GLYATL2: variants seen among roughly 807,000 people sequenced by gnomAD.
GLYATL2 encodes the protein glycine N-acyltransferase-like protein 2.
A neutral mutation model predicts 21.4 loss-of-function variants in GLYATL2; 25 were observed. The ratio of observed to expected loss-of-function variants is 1.17; its 90% CI spans 0.85 to 1.63. The LOEUF (loss-of-function observed/expected upper bound fraction) is 1.63. GLYATL2 is among the 40% of genes most tolerant of loss of function. GLYATL2 has a pLI of 0.00. For missense variants in GLYATL2, 361 were observed against 343.3 expected (o/e 1.05, Z -0.41); for synonymous variants, 114 against 118.2 (o/e 0.96, Z 0.23).
chr11:58,840,144 C>T lies in GLYATL2; in HGVS notation c.-40-492G>A, dbSNP rs369092602. Among the ~76,000 whole-genome samples the T allele has an allele frequency of 3.9e-5, 6 of 152,084 alleles. 1 individual carries two copies. Among genetic ancestry groups the T allele is most frequent in the African/African-American group, 1.4e-4 (6 of 41,476 alleles). ...TTGCAGACTATATTGTGTGTAGTCC[C>T]TTTTCTCCTAAGGAACAAAACCATA... is the stretch of plus-strand genomic sequence containing the variant. On this transcript the variant is annotated intron_variant, in intron 1 of 5. Coordinates refer to ENST00000287275, the MANE Select transcript of GLYATL2 (RefSeq NM_145016.4).
At chr11:58,854,767 G>A (rs899334327) in intron 1 of GLYATL2, among the ~76,000 whole-genome samples, 3 of 152,090 alleles carry the variant, frequency 2.0e-5, no homozygotes, top group Non-Finnish European at 4.4e-5. Flanking sequence ...TTCAACCCTC[G>A]CTACAGCTTT....
At chr11:58,906,142 C>T (rs768876139), upstream of GLYATL2, among the ~76,000 whole-genome samples, 15 of 152,110 alleles carry the variant, frequency 9.9e-5, no homozygotes, top group South Asian at 2.1e-4. Context: ...GGGTCGGACC[C>T]GGAGTTAGGT....
At chr11:58,880,440 A>G (rs760651442) in intron 1 of GLYATL2, among the ~76,000 whole-genome samples, 8 of 152,194 alleles carry the variant, frequency 5.3e-5, no homozygotes, top group Non-Finnish European at 1.0e-4. Context: ...CTCATGTATC[A>G]GCCAAGGCTA....
chr11:58,883,639 C>A (rs1366659346), intron 1 of GLYATL2, among the ~76,000 whole-genome samples: 1 of 152,126 alleles, frequency 6.6e-6, no homozygotes, highest in Non-Finnish European at 1.5e-5. Context: ...ATCAGAGGTA[C>A]AAGGAGGAGC....
At chr11:58,898,975 A>G (rs911661253) in intron 1 of GLYATL2, among the ~76,000 whole-genome samples, 2 of 152,186 alleles carry the variant, frequency 1.3e-5, no homozygotes, top group Non-Finnish European at 2.9e-5. Context: ...ATAAATACGC[A>G]AATATTTTTT....
intron 1 of GLYATL2, among the ~76,000 whole-genome samples, chr11:58,873,786 T>C (rs1228470608): frequency 1.3e-5 from 2 of 152,216 alleles, no homozygotes; most frequent in African/African-American, 4.8e-5. Flanking sequence ...GGTATCAGGA[T>C]GATGCTGGCC....
intron 1 of GLYATL2, among the ~76,000 whole-genome samples, chr11:58,855,761 A>G (rs560832845): frequency 1.2e-3 from 180 of 152,352 alleles, no homozygotes; most frequent in African/African-American, 3.9e-3. Flanking sequence ...CAATTATCTT[A>G]GCTAGATCTT....
intron 1 of GLYATL2, among the ~76,000 whole-genome samples, chr11:58,896,471 T>G (rs1024395482): frequency 6.6e-6 from 1 of 152,228 alleles, no homozygotes; most frequent in Non-Finnish European, 1.5e-5. Flanking sequence ...GTCCACATCT[T>G]CAATTTCCAT....
At chr11:58,893,946 T>C (rs2134624152) in intron 1 of GLYATL2, among the ~76,000 whole-genome samples, 1 of 152,306 alleles carries the variant, frequency 6.6e-6, no homozygotes, top group Admixed American at 6.5e-5. Flanking sequence ...AGTGACTAGC[T>C]AGGTATTAAA....
chr11:58,834,315 T>C lies in GLYATL2; in HGVS notation c.*114A>G, dbSNP rs909465361. 2.5e-6 allele frequency: 2 copies of C among 811,046 alleles called. No individual in the cohort carries two copies. The highest frequency in any genetic ancestry group is 1.7e-5 in the African/African-American group (1 of 57,494). 50.2% of individuals were successfully genotyped at this position (811,046 alleles called of 1,614,324 possible). A position where few individuals can be genotyped will look rare whatever the true frequency, so the allele number is the denominator to read the frequency against. On this transcript the variant is annotated 3_prime_UTR_variant, in exon 6 of 6. Transcript: ENST00000287275. Reference sequence around the variant, plus strand: ...AACTGTTAAGGGTGAGCTTAAGTAATACACAGATCCTAGATAATCAGTTGC... The same window carrying C: ...AACTGTTAAGGGTGAGCTTAAGTAACACACAGATCCTAGATAATCAGTTGC...
chr11:58,865,674 CT>C (rs1446020717), intron 1 of GLYATL2, among the ~76,000 whole-genome samples: 5 of 148,882 alleles, frequency 3.4e-5, no homozygotes, highest in Non-Finnish European at 7.4e-5. Flanking sequence ...ATTTTCCTCT[CT>C]TTCAGAAAGT....
rs1418355370 is a variant in GLYATL2, at chr11:58,834,823, G to C, written c.491C>G (p.Ser164Ter). 1.9e-6 allele frequency: 3 copies of C among 1,588,550 alleles called. No homozygotes were observed. Among genetic ancestry groups the C allele is most frequent in the Non-Finnish European group, 8.5e-7 (1 of 1,169,658 alleles). The change falls in exon 6 of 6, where the codon TCA (serine) becomes TGA (stop). Residue 164 changes from serine to a stop codon, truncating the protein, a stop_gained. Transcript: ENST00000287275. LOFTEE classifies it low-confidence loss of function (END_TRUNC). ...VDDDNKEGNFSNMFLDASHAG... is the reference protein window; with the variant it reads ...VDDDNKEGNF Reference sequence around the variant, plus strand: ...ATGTGAAGCATCTAAGAACATGTTTGAAAAGTTTCCTTCCCTGTGAAGAAA... The same window carrying C: ...ATGTGAAGCATCTAAGAACATGTTTCAAAAGTTTCCTTCCCTGTGAAGAAA...
intron 1 of GLYATL2, among the ~76,000 whole-genome samples, chr11:58,855,677 T>A (rs1853816001): frequency 6.6e-6 from 1 of 152,242 alleles, no homozygotes; most frequent in Non-Finnish European, 1.5e-5. Context: ...TGAAAGTCCT[T>A]GATGGCATCT....
At chr11:58,876,853 C>T (rs972670210) in intron 1 of GLYATL2, among the ~76,000 whole-genome samples, 1 of 152,234 alleles carries the variant, frequency 6.6e-6, no homozygotes, top group East Asian at 1.9e-4. Context: ...GAGGTTATTG[C>T]TGTCTTTTGT....
chr11:58,846,471 C>T (rs1386989617), upstream of GLYATL2, among the ~76,000 whole-genome samples: 1 of 152,146 alleles, frequency 6.6e-6, no homozygotes, highest in Admixed American at 6.5e-5. Context: ...ATCCCCATCC[C>T]TCCCAACCTC....
chr11:58,871,900 G>A lies in GLYATL2; in HGVS notation n.60+32256C>T, dbSNP rs1289285862. ...GTTGAACTAGTTGACAGTCCCACCA[G>A]CGGTGTAAAAGTGTTCCTATTTCTC... On this transcript the variant is annotated intron_variant and non_coding_transcript_variant, in intron 1 of 4. Coordinates refer to the GLYATL2 transcript ENST00000533636. 6.5e-4 allele frequency among the ~76,000 whole-genome samples: 99 copies of A among 152,252 alleles called. 1 individual carries two copies. Among genetic ancestry groups the A allele is most frequent in the African/African-American group, 2.3e-3 (95 of 41,554 alleles).
intron 1 of GLYATL2, chr11:58,893,193 G>T: frequency 5.9e-6 from 2 of 337,000 alleles, no homozygotes; most frequent in Non-Finnish European, 1.1e-5. Context: ...TGGGTCCACA[G>T]GGGGCCCTGG....
chr11:58,859,491 T>G (rs544069751), intron 1 of GLYATL2, among the ~76,000 whole-genome samples: 7 of 152,324 alleles, frequency 4.6e-5, no homozygotes, highest in Admixed American at 2.6e-4. Context: ...TTCTTGCTAT[T>G]ATGTTTCTTA....
chr11:58,836,783 C>A (rs1853438442), intron 5 of GLYATL2, among the ~76,000 whole-genome samples: 1 of 151,924 alleles, frequency 6.6e-6, no homozygotes, highest in Non-Finnish European at 1.5e-5. Context: ...TGTCCATTAC[C>A]CTCTCAGAAG....
Sources: gnomAD v4.1 joint callset for allele counts (sites outside exome capture counted in the v4.1 genomes callset) on GRCh38, gnomAD v4.1.1 for gene constraint, MANE v1.5 for transcripts, NCBI Gene and HGNC (gene_info 2026-07-23, HGNC 2026-07-21) for gene names.